Variants in PRUNE2 observed in about 807,000 individuals in gnomAD.
PRUNE2 encodes the protein prune homolog 2 with BCH domain.
In PRUNE2, 164 loss-of-function variants were observed where a neutral mutation model predicts 252.0. The observed-to-expected ratio is 0.65, with a 90% CI of 0.57 to 0.74. PRUNE2 has a LOEUF of 0.74. Among genes scored for constraint, PRUNE2 ranks in the 30% least tolerant of loss-of-function variants. PRUNE2 has a pLI of 0.00. For missense variants in PRUNE2, 3,495 were observed against 3,711.0 expected (o/e 0.94, Z 1.51); for synonymous variants, 1,292 against 1,350.2 (o/e 0.96, Z 0.94).
At chr9:76,798,823 A>C (rs1163144968) in intron 6 of PRUNE2, among the ~76,000 whole-genome samples, 1 of 152,158 alleles carries the variant, frequency 6.6e-6, no homozygotes, top group African/African-American at 2.4e-5. Context: ...GAGTTGGTCC[A>C]GAATCTCTTA....
intron 4 of PRUNE2, among the ~76,000 whole-genome samples, chr9:76,829,444 T>C (rs1335559655): frequency 6.6e-6 from 1 of 152,212 alleles, no homozygotes; most frequent in Admixed American, 6.5e-5. Flanking sequence ...AGTTATATCC[T>C]AGGACAAGGG....
chr9:76,717,802 T>C (rs11145023), intron 6 of PRUNE2, among the ~76,000 whole-genome samples: 31,000 of 152,042 alleles, frequency 0.2, 3,517 homozygotes, highest in East Asian at 0.49. Context: ...CTCATACTAA[T>C]GCCAGCAGTT....
At chr9:76,837,650 T>C (rs2059104362) in intron 4 of PRUNE2, among the ~76,000 whole-genome samples, 1 of 151,866 alleles carries the variant, frequency 6.6e-6, no homozygotes, top group African/African-American at 2.4e-5. Flanking sequence ...GACTTAGTTG[T>C]ATCTTTTTAA....
intron 1 of PRUNE2, among the ~76,000 whole-genome samples, chr9:76,878,234 A>G (rs937212908): frequency 1.3e-5 from 2 of 152,204 alleles, no homozygotes; most frequent in Non-Finnish European, 2.9e-5. Flanking sequence ...GAAGATGGCC[A>G]AAGAGAAGGA....
chr9:76,655,293 TTTC>T, intron 10 of PRUNE2, 127 bp downstream of exon 10: 3 of 750,304 alleles, frequency 4.0e-6, no homozygotes, highest in Non-Finnish European at 6.9e-6. Flanking sequence ...ATATCACACA[TTTC>T]TTTTTTCCTC....
At chr9:76,874,359 A>T (rs112128736) in intron 1 of PRUNE2, among the ~76,000 whole-genome samples, 222 of 152,282 alleles carry the variant, frequency 1.5e-3, no homozygotes, top group African/African-American at 4.9e-3. Flanking sequence ...TGCACATGAA[A>T]GCATGTTGGG....
chr9:76,622,511 C>T (rs1391089631), intron 17 of PRUNE2, among the ~76,000 whole-genome samples: 6 of 152,166 alleles, frequency 3.9e-5, no homozygotes, highest in Non-Finnish European at 8.8e-5. Flanking sequence ...TTTCCCCCAT[C>T]TTTTGTCTTC....
At chr9:76,726,385 G>T (rs982140129) in intron 6 of PRUNE2, among the ~76,000 whole-genome samples, 2 of 152,120 alleles carry the variant, frequency 1.3e-5, no homozygotes, top group Non-Finnish European at 2.9e-5. Context: ...GGTGTAACAC[G>T]CATACACAGG....
rs536615686 is a variant in PRUNE2, at chr9:76,806,547, G to T, written c.756+17085C>A. On this transcript the variant is annotated intron_variant, in intron 6 of 18. Transcript: ENST00000376718. ...TTTTGAGACGGAGTTTCGCCCTGTC[G>T]CCCAGGCTGGAGTGCAGGGGTGCCA... Among the ~76,000 whole-genome samples the T allele has an allele frequency of 6.4e-5, 9 of 141,640 alleles. No homozygotes were observed. In the South Asian group the frequency reaches 1.6e-3, roughly 25 times the overall value. 92.9% of individuals were successfully genotyped at this position (141,640 alleles called of 152,430 possible). A position where few individuals can be genotyped will look rare whatever the true frequency, so the allele number is the denominator to read the frequency against.
At chr9:76,904,894 T>C (rs1237024401) in intron 1 of PRUNE2, among the ~76,000 whole-genome samples, 1 of 152,168 alleles carries the variant, frequency 6.6e-6, no homozygotes, top group East Asian at 1.9e-4. Flanking sequence ...TGTGCGAGGG[T>C]AAATGAGTTA....
At chr9:76,799,645 T>C (rs1470210801) in intron 6 of PRUNE2, among the ~76,000 whole-genome samples, 3 of 152,174 alleles carry the variant, frequency 2.0e-5, no homozygotes, top group African/African-American at 4.8e-5. Flanking sequence ...CTTTGATCCA[T>C]GAGTATATTA....
chr9:76,766,193 A>AAG (rs1268071103), intron 6 of PRUNE2, among the ~76,000 whole-genome samples: 1 of 151,802 alleles, frequency 6.6e-6, no homozygotes, highest in Non-Finnish European at 1.5e-5. Flanking sequence ...AAAAAAAAAA[A>AAG]AAAAACTCTT....
intron 9 of PRUNE2, among the ~76,000 whole-genome samples, chr9:76,661,174 T>C (rs1043450275): frequency 1.3e-5 from 2 of 152,030 alleles, no homozygotes; most frequent in Non-Finnish European, 2.9e-5. Flanking sequence ...AATGCAGAAG[T>C]GTTGACAAGA....
chr9:76,889,390 G>T (rs1204189123), intron 1 of PRUNE2, among the ~76,000 whole-genome samples: 1 of 151,448 alleles, frequency 6.6e-6, no homozygotes. Flanking sequence ...GTATGATCTT[G>T]GCTCACTACA....
chr9:76,752,788 G>A (rs2050750485), intron 6 of PRUNE2, among the ~76,000 whole-genome samples: 1 of 152,088 alleles, frequency 6.6e-6, no homozygotes, highest in African/African-American at 2.4e-5. Flanking sequence ...GCAAGACTAC[G>A]TGCTTTAAAA....
chr9:76,671,346 C>T (rs1197972004), intron 9 of PRUNE2, among the ~76,000 whole-genome samples: 2 of 147,700 alleles, frequency 1.4e-5, no homozygotes, highest in Non-Finnish European at 3.0e-5. Context: ...GAAGGGAAGT[C>T]TAGAGAAAAA....
At chr9:76,622,769 G>A (rs190646639) in intron 17 of PRUNE2, among the ~76,000 whole-genome samples, 11 of 152,230 alleles carry the variant, frequency 7.2e-5, no homozygotes, top group African/African-American at 2.6e-4. Context: ...AGACTAAGAA[G>A]ATTTTTTAGA....
intron 12 of PRUNE2, among the ~76,000 whole-genome samples, chr9:76,640,689 A>G (rs1347681280): frequency 2.6e-5 from 4 of 152,234 alleles, no homozygotes; most frequent in Admixed American, 2.0e-4. Flanking sequence ...TGTTACAATA[A>G]TTTCATTTCT....
At chr9:76,837,379 T>C (rs893710250) in intron 4 of PRUNE2, among the ~76,000 whole-genome samples, 2 of 151,478 alleles carry the variant, frequency 1.3e-5, no homozygotes, top group African/African-American at 4.9e-5. Flanking sequence ...GAGGCAGAGA[T>C]TGCAGTGAGC....
Sources: gnomAD v4.1 joint callset for allele counts (sites outside exome capture counted in the v4.1 genomes callset) on GRCh38, gnomAD v4.1.1 for gene constraint, MANE v1.5 for transcripts, NCBI Gene and HGNC (gene_info 2026-07-23, HGNC 2026-07-21) for gene names.